ECPAS: variants seen among roughly 807,000 people sequenced by gnomAD.
The protein encoded by ECPAS is Ecm29 proteasome adaptor and scaffold.
ECPAS carries 70 observed loss-of-function variants against 255.1 expected under a neutral mutation model. The ratio of observed to expected loss-of-function variants is 0.27; its 90% CI spans 0.23 to 0.33. ECPAS has a LOEUF of 0.33. Among genes scored for constraint, ECPAS ranks in the 10% least tolerant of loss-of-function variants. The pLI is 1.00. For missense variants in ECPAS, 1,817 were observed against 2,206.4 expected (o/e 0.82, Z 3.54); for synonymous variants, 784 against 775.0 (o/e 1.01, Z -0.19).
intron 35 of ECPAS, among the ~76,000 whole-genome samples, chr9:111,382,135 T>A (rs565349386): frequency 1.3e-5 from 2 of 152,128 alleles, no homozygotes; most frequent in South Asian, 4.2e-4. Context: ...AAGGAGTGAT[T>A]GGTAGGTTCA....
chr9:111,418,022 A>C lies in ECPAS; in HGVS notation c.1560-16T>G. On this transcript the variant is annotated splice_polypyrimidine_tract_variant and intron_variant, in intron 16 of 49. Coordinates refer to ENST00000684092, the MANE Select transcript of ECPAS (RefSeq NM_001364929.1). ...TTCTTCACGTCTTTCAGAAAAAGACAAATAAGAATAAAAAATAAATGTCAC... is the reference window on the plus strand; with the variant it reads ...TTCTTCACGTCTTTCAGAAAAAGACCAATAAGAATAAAAAATAAATGTCAC... 6.4e-7 allele frequency: 1 copy of C among 1,564,318 alleles called. No individual in the cohort carries two copies. The highest frequency in any genetic ancestry group is 8.6e-7 in the Non-Finnish European group (1 of 1,161,054).
intron 2 of ECPAS, among the ~76,000 whole-genome samples, chr9:111,467,533 A>G (rs1436676170): frequency 6.6e-6 from 1 of 152,200 alleles, no homozygotes. Context: ...TCTACAAAAA[A>G]TATTTTTTTC....
In ECPAS at chr9:111,370,518, T is replaced by C. The variant is rs1173473302; in HGVS notation, c.4891A>G (p.Ser1631Gly). 2 of 1,611,628 alleles carry C rather than the reference T, an allele frequency of 1.2e-6. No individual in the cohort carries two copies. The highest frequency in any genetic ancestry group is 1.7e-5 in the Admixed American group (1 of 59,694). ...GCCTTCAAGATATCAGCTGCACAGC[T>C]GATTGCTACAATCTTGTATTTGACA... ...ENVKYKIVAI[S>G]CAADILKATK... is the part of the protein sequence containing the mutation. Residue 1631 changes from serine to glycine, a missense_variant, in exon 45 of 50, where the codon AGC (serine) becomes GGC (glycine). Ser to Gly is a moderately conservative substitution (Grantham distance 56). Around this residue, in one of 4 missense-constraint regions of ECPAS, gnomAD observed 960 missense variants for 1,179.0 expected, o/e 0.81. Transcript: ENST00000684092.
chr9:111,382,859 G>A lies in ECPAS; in HGVS notation c.3803+352C>T, dbSNP rs140208728. ...AAGTACATTTTTTGAATATTTCATC[G>A]TTGCAGGTGGTAAACAGCTTCTCTT... On this transcript the variant is annotated intron_variant, in intron 35 of 49. Coordinates refer to ENST00000684092, the MANE Select transcript of ECPAS (RefSeq NM_001364929.1). 1.5e-3 allele frequency among the ~76,000 whole-genome samples: 223 copies of A among 152,188 alleles called. 1 individual carries two copies. Among genetic ancestry groups the A allele is most frequent in the Middle Eastern group, 3.4e-3 (1 of 294 alleles).
intron 35 of ECPAS, among the ~76,000 whole-genome samples, chr9:111,380,746 G>A (rs1260434206): frequency 1.3e-5 from 2 of 152,236 alleles, no homozygotes; most frequent in Admixed American, 6.5e-5. Flanking sequence ...ATAACCTGCT[G>A]CAGCTTCTGT....
At chr9:111,433,084 T>C (rs574087590) in intron 8 of ECPAS, 149 bp downstream of exon 8, 4 of 756,140 alleles carry the variant, frequency 5.3e-6, no homozygotes, top group African/African-American at 1.8e-5. Flanking sequence ...TTCAACTCTT[T>C]AGCAAACTTG....
In ECPAS at chr9:111,440,287, G is replaced by C. The variant is rs1047514595; in HGVS notation, c.539+85C>G. ...GATGTTGAGATGCATTCATTTACTAGTGAGAGTTTAATCATTTAAAATAGT... is the reference window on the plus strand; with the variant it reads ...GATGTTGAGATGCATTCATTTACTACTGAGAGTTTAATCATTTAAAATAGT... On this transcript the variant is annotated intron_variant, in intron 6 of 49. Coordinates refer to ENST00000684092, the MANE Select transcript of ECPAS (RefSeq NM_001364929.1). The C allele has an allele frequency of 2.4e-6, 3 of 1,227,460 alleles. No individual in the cohort carries two copies. The African/African-American group carries it at 4.5e-5, about 18-fold the overall frequency. The allele number at this position is 1,227,460 out of a possible 1,614,324, so 76.0% of individuals were successfully genotyped here. A position where few individuals can be genotyped will look rare whatever the true frequency, so the allele number is the denominator to read the frequency against.
rs1252746967 is a variant in ECPAS at position 111,472,990 on chromosome 9, G to A, written c.-72C>T. The A allele has an allele frequency of 1.8e-6, 2 of 1,120,592 alleles. No homozygotes were observed. The highest frequency in any genetic ancestry group is 2.2e-6 in the Non-Finnish European group (2 of 893,220). 69.4% of individuals were successfully genotyped at this position (1,120,592 alleles called of 1,614,324 possible). Reference sequence around the variant, plus strand: ...TTCATCCACTCGTACATATGCAATTGTATAAAGAATCTATTATTTAGAACA... The same window carrying A: ...TTCATCCACTCGTACATATGCAATTATATAAAGAATCTATTATTTAGAACA... On this transcript the variant is annotated 5_prime_UTR_variant, in exon 2 of 50. Coordinates refer to ENST00000684092, the MANE Select transcript of ECPAS (RefSeq NM_001364929.1).
At chr9:111,364,534 G>A (rs1370286357) in intron 48 of ECPAS, among the ~76,000 whole-genome samples, 1 of 152,182 alleles carries the variant, frequency 6.6e-6, no homozygotes, top group Non-Finnish European at 1.5e-5. Context: ...TGGTGAATGT[G>A]GACAAAGTGC....
intron 10 of ECPAS, among the ~76,000 whole-genome samples, chr9:111,426,210 G>A (rs1361118595): frequency 6.6e-6 from 1 of 152,140 alleles, no homozygotes; most frequent in Non-Finnish European, 1.5e-5. Context: ...GTGTCCCATT[G>A]GGGTAAAGGT....
chr9:111,443,092 T>C (rs1276849455), intron 4 of ECPAS, among the ~76,000 whole-genome samples: 5 of 152,238 alleles, frequency 3.3e-5, no homozygotes, highest in African/African-American at 1.2e-4. Flanking sequence ...AAGTATAACG[T>C]AAATATTCCA....
intron 2 of ECPAS, 73 bp from the exon 3 acceptor site, chr9:111,451,628 T>C (rs2098260392): frequency 7.2e-7 from 1 of 1,392,474 alleles, no homozygotes; most frequent in Non-Finnish European, 9.5e-7. Flanking sequence ...TTTTATAGCT[T>C]ATTCTTTTTT....
chr9:111,432,646 G>A (rs1054629670), intron 8 of ECPAS, among the ~76,000 whole-genome samples: 12 of 152,154 alleles, frequency 7.9e-5, no homozygotes, highest in East Asian at 7.7e-4. Flanking sequence ...AATAAAAATC[G>A]CAGTTTCAAT....
intron 36 of ECPAS, among the ~76,000 whole-genome samples, chr9:111,378,325 A>G (rs560889785): frequency 6.6e-6 from 1 of 152,316 alleles, no homozygotes; most frequent in East Asian, 1.9e-4. Flanking sequence ...AAGCCCTAAC[A>G]AAATTGAAAT....
chr9:111,465,932 G>A (rs1263500969), intron 2 of ECPAS, among the ~76,000 whole-genome samples: 2 of 151,978 alleles, frequency 1.3e-5, no homozygotes, highest in African/African-American at 2.4e-5. Flanking sequence ...TACACAGGGG[G>A]CTGAGGTGGG....
intron 41 of ECPAS, among the ~76,000 whole-genome samples, chr9:111,372,843 G>A (rs1417213076): frequency 1.3e-5 from 2 of 152,040 alleles, no homozygotes; most frequent in Non-Finnish European, 2.9e-5. Flanking sequence ...ACCAGCCTGG[G>A]CAACATGGCG....
chr9:111,437,850 A>G (rs1419763325), intron 6 of ECPAS, among the ~76,000 whole-genome samples: 1 of 152,192 alleles, frequency 6.6e-6, no homozygotes, highest in African/African-American at 2.4e-5. Flanking sequence ...TTACTCATCT[A>G]CAAAATGAAG....
At chr9:111,462,069 C>T (rs1195957634) in intron 2 of ECPAS, among the ~76,000 whole-genome samples, 1 of 152,048 alleles carries the variant, frequency 6.6e-6, no homozygotes, top group Admixed American at 6.6e-5. Flanking sequence ...CAGAGCCAAA[C>T]CATATCATCA....
chr9:111,468,557 G>C (rs1038309720), intron 2 of ECPAS, among the ~76,000 whole-genome samples: 6 of 151,860 alleles, frequency 4.0e-5, no homozygotes, highest in African/African-American at 1.2e-4. Flanking sequence ...CCAGTAAAAG[G>C]GCAGAAAATC....
Sources: allele counts gnomAD v4.1 joint callset (sites outside exome capture counted in the v4.1 genomes callset), GRCh38; gene constraint gnomAD v4.1.1; regional missense constraint gnomAD v4.1.1; transcripts MANE v1.5; gene names NCBI Gene and HGNC (gene_info 2026-07-23, HGNC 2026-07-21).